Variants in RGS6 observed in about 807,000 individuals in gnomAD.
RGS6 encodes the protein regulator of G-protein signaling 6.
RGS6 carries 30 observed loss-of-function variants against 78.5 expected under a neutral mutation model. The observed-to-expected ratio is 0.38, with a 90% CI of 0.29 to 0.52. The LOEUF is 0.52. Ranked by LOEUF, RGS6 falls within the 20% of genes least tolerant of loss-of-function variation. RGS6 has a pLI of 0.85. For synonymous variants in RGS6, 206 were observed against 206.0 expected, an observed-to-expected ratio of 1.00 and a Z score of 0.00; for missense variants, 495 against 609.7, an observed-to-expected ratio of 0.81 and a Z score of 1.98.
intron 2 of RGS6, among the ~76,000 whole-genome samples, chr14:72,236,483 G>A (rs917945977): frequency 6.6e-6 from 1 of 152,154 alleles, no homozygotes; most frequent in African/African-American, 2.4e-5. Context: ...ATACACCTGT[G>A]TAATGCCAAT....
chr14:72,102,318 A>G (rs878967344), intron 2 of RGS6, among the ~76,000 whole-genome samples: 1 of 152,226 alleles, frequency 6.6e-6, no homozygotes, highest in Non-Finnish European at 1.5e-5. Flanking sequence ...ATACATTTAC[A>G]TAAACAATAT....
At chr14:72,411,668 G>GT (rs1249801676) in intron 3 of RGS6, among the ~76,000 whole-genome samples, 25 of 152,258 alleles carry the variant, frequency 1.6e-4, no homozygotes, top group African/African-American at 5.5e-4. Flanking sequence ...AATGCTTCCA[G>GT]TTTTTGTCCA....
the RGS6 span, among the ~76,000 whole-genome samples, chr14:71,878,970 C>T: frequency 6.6e-6 from 1 of 152,156 alleles, no homozygotes; most frequent in Non-Finnish European, 1.5e-5. Context: ...TTGAGTCAGA[C>T]ACACTGGGCA....
In RGS6 at chr14:72,510,446, C is replaced by T. The variant is rs5008274; in HGVS notation, c.1091+167C>T. On this transcript the variant is annotated intron_variant, in intron 14 of 17. Transcript: ENST00000553525. ...GAGAAGAACAAATTAAAATATGTAA[C>T]TCTGTCACCACCATAATAGCACCTA... Among the ~76,000 whole-genome samples, 23,339 of 152,216 alleles carry T rather than the reference C, an allele frequency of 0.15. 1,912 individuals carry two copies. The highest frequency in any genetic ancestry group is 0.21 in the African/African-American group (8,782 of 41,516).
chr14:72,268,734 A>G (rs2153905380), intron 2 of RGS6, among the ~76,000 whole-genome samples: 1 of 152,326 alleles, frequency 6.6e-6, no homozygotes, highest in Non-Finnish European at 1.5e-5. Context: ...GGGAGAGGGG[A>G]GACAGGTAGG....
At chr14:71,950,561 A>C (rs1420999393) in intron 1 of RGS6, among the ~76,000 whole-genome samples, 1 of 152,236 alleles carries the variant, frequency 6.6e-6, no homozygotes, top group Non-Finnish European at 1.5e-5. Context: ...CAAAAGCAAA[A>C]ATTGAGAAAT....
rs776921695 is a variant in RGS6 at position 72,080,390 on chromosome 14, ATTAAG to A, written c.84+115518_84+115522del. Among the ~76,000 whole-genome samples, 16 of 151,862 alleles carry A rather than the reference ATTAAG, an allele frequency of 1.1e-4. No individual in the cohort carries two copies. In the East Asian group the frequency reaches 1.2e-3, roughly 11 times the overall value. ...AAAAATTGTTATTTACTTTCTTGCT[ATTAAG>A]TTGTTCGCATTCCTTATACATTTTG... On this transcript the variant is annotated intron_variant, in intron 2 of 17. Transcript: ENST00000553525.
At chr14:72,432,463 A>C (rs1240819653) in intron 3 of RGS6, among the ~76,000 whole-genome samples, 2 of 152,236 alleles carry the variant, frequency 1.3e-5, no homozygotes, top group Non-Finnish European at 2.9e-5. Flanking sequence ...TGCACAAGAG[A>C]AGAGACAGTG....
chr14:72,375,392 C>T (rs1438835335), intron 3 of RGS6, among the ~76,000 whole-genome samples: 1 of 152,118 alleles, frequency 6.6e-6, no homozygotes, highest in East Asian at 1.9e-4. Flanking sequence ...TAGAGAGGGC[C>T]AGCTGAGGAG....
intron 3 of RGS6, among the ~76,000 whole-genome samples, chr14:72,384,063 C>T (rs2087079322): frequency 6.6e-6 from 1 of 152,170 alleles, no homozygotes; most frequent in Admixed American, 6.5e-5. Flanking sequence ...ACTGCCAGCA[C>T]ACTCAGTGAC....
At chr14:72,492,432 G>T (rs1467330142) in intron 12 of RGS6, among the ~76,000 whole-genome samples, 3 of 152,282 alleles carry the variant, frequency 2.0e-5, no homozygotes, top group East Asian at 3.9e-4. Flanking sequence ...TGGAATGAGG[G>T]TTTTCAAGGG....
At chr14:72,320,813 C>G (rs1261811489) in intron 2 of RGS6, among the ~76,000 whole-genome samples, 1 of 150,524 alleles carries the variant, frequency 6.6e-6, no homozygotes, top group Admixed American at 6.6e-5. Flanking sequence ...TATGTAGATT[C>G]ATTCATCATC....
At chr14:72,486,372 A>G (rs1029622307) in intron 12 of RGS6, among the ~76,000 whole-genome samples, 8 of 152,142 alleles carry the variant, frequency 5.3e-5, no homozygotes, top group African/African-American at 1.9e-4. Flanking sequence ...GGACAAATCA[A>G]CCATGGCCAG....
intron 2 of RGS6, among the ~76,000 whole-genome samples, chr14:72,012,793 A>G (rs1410006534): frequency 6.6e-6 from 1 of 152,142 alleles, no homozygotes. Flanking sequence ...CTAGTTGTGA[A>G]CCTCTCTATT....
chr14:71,982,782 T>C (rs1234703708), intron 2 of RGS6, among the ~76,000 whole-genome samples: 2 of 152,208 alleles, frequency 1.3e-5, no homozygotes, highest in African/African-American at 4.8e-5. Flanking sequence ...AAACTCTTAC[T>C]GTCTTGGTTG....
rs535030864 is a variant in RGS6, at chr14:71,957,914, G to A, written c.-20-6858G>A. 3.9e-5 allele frequency among the ~76,000 whole-genome samples: 6 copies of A among 151,990 alleles called. No individual in the cohort carries two copies. In the East Asian group the frequency reaches 1.2e-3, roughly 29 times the overall value. ...CCGAGTAGCTGAGACTACAGGCAACGCACCACCATGCCTGGCTAATTTTTG... is the reference window on the plus strand; with the variant it reads ...CCGAGTAGCTGAGACTACAGGCAACACACCACCATGCCTGGCTAATTTTTG... On this transcript the variant is annotated intron_variant, in intron 1 of 17. Transcript: ENST00000553525.
At chr14:72,063,893 A>AG (rs1251004160) in intron 2 of RGS6, among the ~76,000 whole-genome samples, 1 of 152,094 alleles carries the variant, frequency 6.6e-6, no homozygotes, top group Admixed American at 6.6e-5. Flanking sequence ...TTCTAGGAGT[A>AG]GGAGTGTAAG....
intron 14 of RGS6, among the ~76,000 whole-genome samples, chr14:72,511,970 C>G (rs1448332822): frequency 6.6e-6 from 1 of 152,178 alleles, no homozygotes; most frequent in East Asian, 1.9e-4. Flanking sequence ...GGTGCTCAGA[C>G]TAGCCTCCCT....
At chr14:71,893,408 T>C in the RGS6 span, among the ~76,000 whole-genome samples, 1 of 152,264 alleles carries the variant, frequency 6.6e-6, no homozygotes. Flanking sequence ...TGTGCTCAGA[T>C]GCTGATTGGA....
Sources: allele counts gnomAD v4.1 joint callset (sites outside exome capture counted in the v4.1 genomes callset), GRCh38; gene constraint gnomAD v4.1.1; transcripts MANE v1.5; gene names NCBI Gene and HGNC (gene_info 2026-07-23, HGNC 2026-07-21).